Variants in FAM13A observed in about 807,000 individuals in gnomAD.
FAM13A encodes the protein protein FAM13A.
In FAM13A, 76 loss-of-function variants were observed where a neutral mutation model predicts 129.6. The observed-to-expected ratio is 0.59, with a 90% CI of 0.49 to 0.71. The LOEUF (loss-of-function observed/expected upper bound fraction) is 0.71. FAM13A is among the 30% of genes least tolerant of loss of function. The pLI is 0.00. For missense variants in FAM13A, 1,108 were observed against 1,249.3 expected (o/e 0.89, Z 1.70); for synonymous variants, 443 against 449.9 (o/e 0.98, Z 0.20).
chr4:88,968,082 C>T (rs1170362219), intron 4 of FAM13A, among the ~76,000 whole-genome samples: 1 of 152,110 alleles, frequency 6.6e-6, no homozygotes, highest in Non-Finnish European at 1.5e-5. Flanking sequence ...GGTTTGTTGA[C>T]TAAATGTGGA....
chr4:88,921,274 G>A (rs1033745774), intron 5 of FAM13A, among the ~76,000 whole-genome samples: 2 of 151,974 alleles, frequency 1.3e-5, no homozygotes, highest in African/African-American at 2.4e-5. Flanking sequence ...TTGAAATGAA[G>A]GAAAAAATGT....
intron 12 of FAM13A, 100 bp from the exon 13 acceptor site, chr4:88,767,695 G>C: frequency 1.1e-6 from 1 of 944,444 alleles, no homozygotes; most frequent in Non-Finnish European, 1.6e-6. Context: ...AGTATGTTGA[G>C]TAGCTCTAAG....
At chr4:88,816,150 A>G (rs2149801916) in intron 7 of FAM13A, among the ~76,000 whole-genome samples, 1 of 152,264 alleles carries the variant, frequency 6.6e-6, no homozygotes, top group Non-Finnish European at 1.5e-5. Context: ...TTCAATGTAC[A>G]TATAAAATAG....
rs1334156516 is a variant in FAM13A, at chr4:88,764,204, TA to T, written c.1578+3348del. Among the ~76,000 whole-genome samples, 14 of 152,046 alleles carry T rather than the reference TA, an allele frequency of 9.2e-5. No individual in the cohort carries two copies. In the South Asian group the frequency reaches 1.2e-3, roughly 14 times the overall value. ...GAAACATGGAACTAGTCTTTTTTTT[TA>T]AAATTATGAATGTCTTGTTTGTTAT... On this transcript the variant is annotated intron_variant, in intron 13 of 23. Coordinates refer to ENST00000264344, the MANE Select transcript of FAM13A (RefSeq NM_014883.4).
intron 3 of FAM13A, among the ~76,000 whole-genome samples, chr4:89,011,415 C>G (rs929979978): frequency 6.6e-6 from 1 of 152,132 alleles, no homozygotes; most frequent in African/African-American, 2.4e-5. Flanking sequence ...CACTATTTAT[C>G]TGATACAGAT....
chr4:89,027,133 T>C (rs895780121), intron 2 of FAM13A, among the ~76,000 whole-genome samples: 1 of 152,228 alleles, frequency 6.6e-6, no homozygotes, highest in Non-Finnish European at 1.5e-5. Context: ...ATACTGTTTT[T>C]TTCTCCTATA....
chr4:89,012,694 G>A (rs1765896816), intron 3 of FAM13A, among the ~76,000 whole-genome samples: 1 of 152,152 alleles, frequency 6.6e-6, no homozygotes, highest in Non-Finnish European at 1.5e-5. Context: ...CATCCAGACT[G>A]TTCTCACTGG....
intron 7 of FAM13A, among the ~76,000 whole-genome samples, chr4:88,806,967 C>G (rs1288333706): frequency 6.6e-6 from 1 of 151,938 alleles, no homozygotes; most frequent in East Asian, 1.9e-4. Context: ...ATCATTATGC[C>G]AAAGAAACAC....
At chr4:88,889,662 C>T (rs1398570815) in intron 6 of FAM13A, among the ~76,000 whole-genome samples, 1 of 152,168 alleles carries the variant, frequency 6.6e-6, no homozygotes, top group Non-Finnish European at 1.5e-5. Context: ...AGTATCACTT[C>T]TGTGCTGTGG....
At chr4:88,990,727 T>G in intron 4 of FAM13A, 1 of 367,266 alleles carries the variant, frequency 2.7e-6, no homozygotes, top group Non-Finnish European at 4.8e-6. Flanking sequence ...TATAACTTAT[T>G]TCCAGATTTT....
chr4:88,882,125 C>T (rs1324423895), intron 6 of FAM13A, among the ~76,000 whole-genome samples: 3 of 152,026 alleles, frequency 2.0e-5, no homozygotes, highest in African/African-American at 7.2e-5. Context: ...ACAAGAATCT[C>T]AAAGAACATC....
At chr4:88,752,994 AG>A (rs1742942223) in intron 14 of FAM13A, among the ~76,000 whole-genome samples, 1 of 152,216 alleles carries the variant, frequency 6.6e-6, no homozygotes, top group Non-Finnish European at 1.5e-5. Flanking sequence ...CTGGGGACAG[AG>A]GGCTTTGGCA....
Position 88,747,811 on chromosome 4 carries a change from C to G in FAM13A, c.2202G>C (p.Arg734Ser). 6.2e-7 allele frequency: 1 copy of G among 1,614,136 alleles called. No individual in the cohort carries two copies. The highest frequency in any genetic ancestry group is 8.5e-7 in the Non-Finnish European group (1 of 1,179,978). Residue 734 changes from arginine (R) to serine (S), a missense_variant, in exon 18 of 24, where the codon AGG (arginine) becomes AGC (serine). Arg to Ser is a moderately radical substitution (Grantham distance 110). Coordinates refer to ENST00000264344, the MANE Select transcript of FAM13A (RefSeq NM_014883.4). Reference protein sequence around the residue: ...LKISEEDLTPRMRQRSNTLPK... With the variant: ...LKISEEDLTPSMRQRSNTLPK... ...GGAGTGTGTTGCTTCGCTGCCGCAT[C>G]CTGGGAGTTAGGTCCTCTTCAGATA...
chr4:88,885,103 T>G (rs752872234), intron 6 of FAM13A, among the ~76,000 whole-genome samples: 21 of 152,040 alleles, frequency 1.4e-4, no homozygotes, highest in Non-Finnish European at 3.1e-4. Flanking sequence ...TTCAATGTAA[T>G]TCCCATCAAA....
At chr4:88,912,173 T>G (rs1310166818) in intron 5 of FAM13A, among the ~76,000 whole-genome samples, 1 of 137,918 alleles carries the variant, frequency 7.3e-6, no homozygotes, top group Non-Finnish European at 1.6e-5. Flanking sequence ...TCTGGGTATG[T>G]CTGTGAGGGT....
chr4:88,831,578 T>A (rs1056503077), intron 7 of FAM13A, among the ~76,000 whole-genome samples: 3 of 152,202 alleles, frequency 2.0e-5, no homozygotes, highest in African/African-American at 4.8e-5. Context: ...AGTGTTTTTA[T>A]TTGAATTGAC....
At chr4:89,008,780 G>A (rs1400553834) in intron 3 of FAM13A, among the ~76,000 whole-genome samples, 3 of 152,092 alleles carry the variant, frequency 2.0e-5, no homozygotes, top group Non-Finnish European at 4.4e-5. Flanking sequence ...ACCCAAAACA[G>A]GCACTTAAAT....
chr4:88,752,553 G>A (rs1362999735), intron 14 of FAM13A, among the ~76,000 whole-genome samples: 2 of 152,180 alleles, frequency 1.3e-5, no homozygotes, highest in Non-Finnish European at 2.9e-5. Flanking sequence ...CTTATCTATT[G>A]AGGCTCAAAA....
intron 5 of FAM13A, among the ~76,000 whole-genome samples, chr4:88,914,840 T>C (rs1458553): frequency 0.18 from 28,078 of 152,236 alleles, 2,756 homozygotes; most frequent in African/African-American, 0.2. Context: ...CACATTTCCC[T>C]TCCTTTTAGC....
Sources: allele counts gnomAD v4.1 joint callset (sites outside exome capture counted in the v4.1 genomes callset), GRCh38; gene constraint gnomAD v4.1.1; transcripts MANE v1.5; gene names NCBI Gene and HGNC (gene_info 2026-07-23, HGNC 2026-07-21).